The following RGS5 variants were observed in gnomAD, a reference collection of about 807,000 sequenced individuals.
RGS5 encodes the protein regulator of G-protein signalling 5.
In RGS5, 20 loss-of-function variants were observed where a neutral mutation model predicts 18.9. The observed-to-expected ratio is 1.06, with a 90% CI of 0.74 to 1.54. The LOEUF (loss-of-function observed/expected upper bound fraction) is 1.54. Ranked by LOEUF, RGS5 falls within the 40% of genes most tolerant of loss-of-function variation. RGS5 has a pLI of 0.00. For synonymous variants in RGS5, 57 were observed against 76.2 expected (o/e 0.75, Z 1.31); for missense variants, 201 against 211.8 (o/e 0.95, Z 0.32).
intron 2 of RGS5, among the ~76,000 whole-genome samples, chr1:163,163,045 G>T (rs868798792): frequency 2.0e-5 from 3 of 150,954 alleles, no homozygotes; most frequent in Non-Finnish European, 4.4e-5. Flanking sequence ...ATTTCGGGGG[G>T]GGGGGTGGTT....
intron 2 of RGS5, chr1:163,237,355 G>T: frequency 1.3e-5 from 2 of 153,858 alleles, no homozygotes; most frequent in South Asian, 4.0e-4. Flanking sequence ...TGATGAGTTT[G>T]ACAATTTACT....
At chr1:163,315,439 A>T (rs1386807509) in intron 1 of RGS5, among the ~76,000 whole-genome samples, 1 of 152,162 alleles carries the variant, frequency 6.6e-6, no homozygotes, top group Non-Finnish European at 1.5e-5. Flanking sequence ...AAAAAATTTT[A>T]AGAATATCTA....
chr1:163,189,067 G>C (rs6667185), intron 1 of RGS5, among the ~76,000 whole-genome samples: 28,900 of 151,696 alleles, frequency 0.19, 2,911 homozygotes, highest in South Asian at 0.28. Flanking sequence ...TGAAGCAGCT[G>C]TTCTGCTTAG....
intron 2 of RGS5, among the ~76,000 whole-genome samples, chr1:163,250,331 T>C (rs1648072510): frequency 6.6e-6 from 1 of 152,218 alleles, no homozygotes; most frequent in African/African-American, 2.4e-5. Context: ...GTAAAGAACA[T>C]CTGTATTTAG....
intron 3 of RGS5, among the ~76,000 whole-genome samples, chr1:163,158,900 C>T (rs1657689570): frequency 6.6e-6 from 1 of 152,154 alleles, no homozygotes; most frequent in African/African-American, 2.4e-5. Flanking sequence ...GGGCTTATTG[C>T]ATCCCTCAAC....
chr1:163,209,330 G>T (rs942692106), intron 1 of RGS5, among the ~76,000 whole-genome samples: 2 of 152,066 alleles, frequency 1.3e-5, no homozygotes, highest in African/African-American at 4.8e-5. Flanking sequence ...ATGCGAGATT[G>T]GTAGTGTTTA....
At position 163,145,491 on chromosome 1, in the gene RGS5, C is replaced by T. The variant is rs771753414; in HGVS notation, c.*1851G>A. The T allele has an allele frequency of 2.5e-4, 38 of 152,048 alleles. No individual in the cohort carries two copies. Among genetic ancestry groups the T allele is most frequent in the Non-Finnish European group, 5.1e-4 (35 of 68,040 alleles). 9.4% of individuals were successfully genotyped at this position (152,048 alleles called of 1,614,324 possible). On this transcript the variant is annotated 3_prime_UTR_variant, in exon 5 of 5. Transcript: ENST00000313961. ...ATTTTTATCTGAGTTCCTTGTCAAT[C>T]CTACACAATTGCATGCAATGAGAAC...
At chr1:163,163,194 G>A (rs1176199851) in intron 2 of RGS5, among the ~76,000 whole-genome samples, 1 of 152,126 alleles carries the variant, frequency 6.6e-6, no homozygotes, top group East Asian at 1.9e-4. Context: ...CTAAAGTATT[G>A]TGAATAATCC....
chr1:163,210,108 A>G (rs983531687), intron 1 of RGS5, among the ~76,000 whole-genome samples: 6 of 151,768 alleles, frequency 4.0e-5, no homozygotes, highest in Non-Finnish European at 1.5e-5. Context: ...TCTCACCTCA[A>G]CTTCCCAAGT....
chr1:163,294,735 T>G (rs1649381601), intron 2 of RGS5, among the ~76,000 whole-genome samples: 2 of 152,214 alleles, frequency 1.3e-5, no homozygotes, highest in Admixed American at 1.3e-4. Context: ...ACCTTTATGC[T>G]CTCTCTTTCC....
chr1:163,318,123 A>G (rs961794269), intron 1 of RGS5, among the ~76,000 whole-genome samples: 1 of 152,210 alleles, frequency 6.6e-6, no homozygotes, highest in Non-Finnish European at 1.5e-5. Flanking sequence ...CAAAGAAAAT[A>G]AAGATAGTCC....
intron 2 of RGS5, among the ~76,000 whole-genome samples, chr1:163,167,961 T>A (rs1030601805): frequency 6.6e-6 from 1 of 152,200 alleles, no homozygotes. Flanking sequence ...CTGTAGTGGC[T>A]GGTATCATTT....
At chr1:163,287,889 G>A (rs774001265) in intron 2 of RGS5, among the ~76,000 whole-genome samples, 2 of 152,144 alleles carry the variant, frequency 1.3e-5, no homozygotes, top group South Asian at 2.1e-4. Context: ...TTTCCTTACA[G>A]ACTTTTCTTC....
At chr1:163,253,497 A>G (rs547430509) in intron 2 of RGS5, among the ~76,000 whole-genome samples, 12 of 148,018 alleles carry the variant, frequency 8.1e-5, no homozygotes, top group African/African-American at 2.5e-4. Flanking sequence ...TTTAGTAGAG[A>G]TAAGTTTTTG....
intron 2 of RGS5, among the ~76,000 whole-genome samples, chr1:163,303,948 C>G (rs1571351850): frequency 6.6e-6 from 1 of 152,124 alleles, no homozygotes; most frequent in Non-Finnish European, 1.5e-5. Flanking sequence ...ATATCCAACG[C>G]CCTTGACATC....
At chr1:163,215,635 T>C (rs909078330) in intron 1 of RGS5, among the ~76,000 whole-genome samples, 1 of 152,158 alleles carries the variant, frequency 6.6e-6, no homozygotes, top group Admixed American at 6.5e-5. Context: ...AGCTGTTAAC[T>C]CTTCTACACC....
intron 1 of RGS5, among the ~76,000 whole-genome samples, chr1:163,201,908 A>G (rs2101661404): frequency 6.6e-6 from 1 of 152,292 alleles, no homozygotes; most frequent in Admixed American, 6.5e-5. Context: ...TCCATTCTCA[A>G]TAAAAGGAGA....
intron 2 of RGS5, among the ~76,000 whole-genome samples, chr1:163,271,151 A>G (rs1318310727): frequency 6.6e-6 from 1 of 152,108 alleles, no homozygotes; most frequent in Non-Finnish European, 1.5e-5. Context: ...TGCCTCTATA[A>G]ATTTGCCTTT....
At chr1:163,204,670 C>T (rs1659899971), upstream of RGS5, among the ~76,000 whole-genome samples, 1 of 152,162 alleles carries the variant, frequency 6.6e-6, no homozygotes, top group Non-Finnish European at 1.5e-5. Context: ...GTTAAACAAA[C>T]TGTCCAAGTT....
Sources: gnomAD v4.1 joint callset for allele counts (sites outside exome capture counted in the v4.1 genomes callset) on GRCh38, gnomAD v4.1.1 for gene constraint, MANE v1.5 for transcripts, NCBI Gene and HGNC (gene_info 2026-07-23, HGNC 2026-07-21) for gene names.